ITGA8: variants seen among roughly 807,000 people sequenced by gnomAD.
ITGA8 encodes the protein integrin subunit alpha 8.
Under a neutral mutation model 142.3 loss-of-function variants are expected in ITGA8, and 91 were observed. The ratio of observed to expected loss-of-function variants is 0.64; its 90% CI spans 0.54 to 0.76. ITGA8 has a LOEUF of 0.76. Ranked by LOEUF, ITGA8 falls within the 30% of genes least tolerant of loss-of-function variation. The pLI is 0.00. For missense variants in ITGA8, 1,406 were observed against 1,327.7 expected (o/e 1.06, Z -0.92); for synonymous variants, 505 against 485.2 (o/e 1.04, Z -0.54).
At chr10:15,520,321 G>A (rs1833034685) in intron 28 of ITGA8, among the ~76,000 whole-genome samples, 1 of 152,162 alleles carries the variant, frequency 6.6e-6, no homozygotes, top group Non-Finnish European at 1.5e-5. Flanking sequence ...GCTGACACAC[G>A]AAAATTGCTT....
At chr10:15,660,234 G>A (rs1259825763) in intron 9 of ITGA8, among the ~76,000 whole-genome samples, 13 of 152,154 alleles carry the variant, frequency 8.5e-5, no homozygotes. Flanking sequence ...ACAGGACCCT[G>A]TGCTTAGATG....
At chr10:15,685,002 T>C (rs1022403149) in intron 3 of ITGA8, among the ~76,000 whole-genome samples, 2 of 152,184 alleles carry the variant, frequency 1.3e-5, no homozygotes, top group African/African-American at 4.8e-5. Flanking sequence ...ATTTTCACAG[T>C]GTTTTTGGCT....
chr10:15,626,044 C>G (rs1833575822), intron 13 of ITGA8, among the ~76,000 whole-genome samples: 1 of 152,116 alleles, frequency 6.6e-6, no homozygotes, highest in South Asian at 2.1e-4. Flanking sequence ...GGCAACATGG[C>G]ACCTGCCAGG....
chr10:15,554,812 T>G (rs562459249), intron 26 of ITGA8, among the ~76,000 whole-genome samples: 1 of 151,864 alleles, frequency 6.6e-6, no homozygotes, highest in East Asian at 1.9e-4. Context: ...ACAGGAAGCA[T>G]GACTGGGAGG....
At chr10:15,689,516 C>G (rs148102295) in intron 2 of ITGA8, among the ~76,000 whole-genome samples, 1 of 152,148 alleles carries the variant, frequency 6.6e-6, no homozygotes, top group East Asian at 1.9e-4. Context: ...GTCTTTGCTT[C>G]GGGAGAATTC....
intron 13 of ITGA8, among the ~76,000 whole-genome samples, chr10:15,636,942 C>G (rs545286897): frequency 6.6e-6 from 1 of 152,090 alleles, no homozygotes; most frequent in African/African-American, 2.4e-5. Flanking sequence ...GTCAGCAGTT[C>G]GAGACCAGCC....
chr10:15,566,937 C>G (rs1834091279), intron 25 of ITGA8, among the ~76,000 whole-genome samples: 1 of 145,816 alleles, frequency 6.9e-6, no homozygotes, highest in East Asian at 2.1e-4. Context: ...GAGGGCAGAT[C>G]ACCTGAGGTC....
intron 13 of ITGA8, among the ~76,000 whole-genome samples, chr10:15,637,504 A>ATTTTTTTTTTTTT (rs59157680): frequency 2.3e-5 from 3 of 131,162 alleles, no homozygotes; most frequent in African/African-American, 2.7e-5. Context: ...GACTCTTTAA[A>ATTTTTTTTTTTTT]TTTTTTTTTT....
At chr10:15,534,799 G>T (rs1833385568) in intron 27 of ITGA8, among the ~76,000 whole-genome samples, 1 of 152,230 alleles carries the variant, frequency 6.6e-6, no homozygotes, top group African/African-American at 2.4e-5. Flanking sequence ...AGAGGTGACA[G>T]CATGCTGGCA....
intron 2 of ITGA8, among the ~76,000 whole-genome samples, chr10:15,713,054 C>A (rs1835389750): frequency 6.6e-6 from 1 of 152,178 alleles, no homozygotes; most frequent in Non-Finnish European, 1.5e-5. Context: ...CTTCCTTTTT[C>A]TAATTGCTTC....
intron 2 of ITGA8, among the ~76,000 whole-genome samples, chr10:15,717,875 C>T (rs547609924): frequency 1.3e-4 from 20 of 152,226 alleles, no homozygotes; most frequent in South Asian, 6.2e-4. Context: ...ACTAATCAAA[C>T]AATTAAAAAT....
intron 2 of ITGA8, among the ~76,000 whole-genome samples, chr10:15,701,327 G>T (rs913529851): frequency 2.0e-5 from 3 of 152,088 alleles, no homozygotes; most frequent in African/African-American, 7.2e-5. Context: ...ATGAGTATTA[G>T]TACATCTGTG....
intron 2 of ITGA8, among the ~76,000 whole-genome samples, chr10:15,694,667 A>C (rs1433415504): frequency 8.2e-6 from 1 of 122,414 alleles, no homozygotes; most frequent in Non-Finnish European, 1.7e-5. Flanking sequence ...TATTATATCT[A>C]TATTTGTCGA....
chr10:15,697,576 A>G (rs1335048935), intron 2 of ITGA8, among the ~76,000 whole-genome samples: 2 of 152,248 alleles, frequency 1.3e-5, no homozygotes, highest in African/African-American at 4.8e-5. Flanking sequence ...TGCAAACTGT[A>G]TAATCTTTGT....
chr10:15,698,521 C>G (rs1178919530), intron 2 of ITGA8, among the ~76,000 whole-genome samples: 2 of 152,178 alleles, frequency 1.3e-5, no homozygotes, highest in Non-Finnish European at 2.9e-5. Flanking sequence ...AGTTTACATT[C>G]CCACCAACAG....
intron 22 of ITGA8, among the ~76,000 whole-genome samples, 181 bp from the exon 23 acceptor site, chr10:15,586,845 T>G (rs947831598): frequency 1.8e-4 from 28 of 152,234 alleles, no homozygotes; most frequent in African/African-American, 6.0e-4. Flanking sequence ...CTAAGATCTT[T>G]TATGATCAAT....
In ITGA8 at chr10:15,696,749, T is replaced by G. The variant is rs549081053; in HGVS notation, c.344-8711A>C. On this transcript the variant is annotated intron_variant, in intron 2 of 29. Coordinates refer to ENST00000378076, the MANE Select transcript of ITGA8 (RefSeq NM_003638.3). ...GGCTCATGCCTGTAATCCCAGCACT[T>G]TGGGAGACCAAGGCAGGAGGATCGC... Among the ~76,000 whole-genome samples, 207 of 151,768 alleles carry G rather than the reference T, an allele frequency of 1.4e-3. 1 individual carries two copies. Among genetic ancestry groups the G allele is most frequent in the African/African-American group, 4.8e-3 (200 of 41,306 alleles).
At chr10:15,574,707 A>G (rs932273213) in intron 24 of ITGA8, among the ~76,000 whole-genome samples, 16 of 134,924 alleles carry the variant, frequency 1.2e-4, no homozygotes, top group African/African-American at 3.8e-4. Flanking sequence ...ATATATGTAT[A>G]TATATATTTT....
At chr10:15,621,846 A>G (rs1833496574) in intron 13 of ITGA8, among the ~76,000 whole-genome samples, 1 of 152,054 alleles carries the variant, frequency 6.6e-6, no homozygotes, top group Non-Finnish European at 1.5e-5. Flanking sequence ...CAGCCTGTGA[A>G]ACATAGTGAG....
Sources: allele counts gnomAD v4.1 joint callset (sites outside exome capture counted in the v4.1 genomes callset), GRCh38; gene constraint gnomAD v4.1.1; transcripts MANE v1.5; gene names NCBI Gene and HGNC (gene_info 2026-07-23, HGNC 2026-07-21).